The following CDH18 variants were observed in gnomAD, a reference collection of about 807,000 sequenced individuals.
The protein encoded by CDH18 is cadherin-18.
CDH18 carries 31 observed loss-of-function variants against 67.9 expected under a neutral mutation model. The ratio of observed to expected loss-of-function variants is 0.46; its 90% CI spans 0.34 to 0.62. CDH18 has a LOEUF of 0.62. Among genes scored for constraint, CDH18 ranks in the 20% least tolerant of loss-of-function variants. CDH18 has a pLI of 0.01. For synonymous variants in CDH18, 362 were observed against 347.2 expected (o/e 1.04, Z -0.48); for missense variants, 890 against 975.5 (o/e 0.91, Z 1.17).
chr5:19,722,868 A>T (rs1766292367), intron 4 of CDH18, among the ~76,000 whole-genome samples: 1 of 152,146 alleles, frequency 6.6e-6, no homozygotes, highest in South Asian at 2.1e-4. Flanking sequence ...AAGCACTGAC[A>T]ATTAATAGTT....
At chr5:20,386,586 A>C (rs1176814357) in intron 1 of CDH18, among the ~76,000 whole-genome samples, 1 of 152,166 alleles carries the variant, frequency 6.6e-6, no homozygotes, top group Non-Finnish European at 1.5e-5. Flanking sequence ...AACTTAAATA[A>C]TATGGCCAAG....
At chr5:19,776,984 G>C (rs976446832) in intron 3 of CDH18, among the ~76,000 whole-genome samples, 2 of 152,106 alleles carry the variant, frequency 1.3e-5, no homozygotes, top group Non-Finnish European at 2.9e-5. Context: ...TTTTATACAA[G>C]TGTTGAGAAA....
chr5:19,596,871 T>C (rs750389620), intron 6 of CDH18, among the ~76,000 whole-genome samples: 8 of 152,248 alleles, frequency 5.3e-5, no homozygotes, highest in Non-Finnish European at 8.8e-5. Context: ...TTGAGAATTA[T>C]AATTTGTAAA....
chr5:19,571,612 G>A lies in CDH18; in HGVS notation c.1220C>T (p.Ala407Val). 1 of 1,613,918 alleles carries A rather than the reference G, an allele frequency of 6.2e-7. No homozygotes were observed. The highest frequency in any genetic ancestry group is 8.5e-7 in the Non-Finnish European group (1 of 1,179,902). ...GCTGTTAGTACTGTCAGGATCTTGT[G>A]CCAAAACTGTACCAACGACGGTCCC... ...KIGTVVGTVLAQDPDSTNSLV... is the reference protein window; with the variant it reads ...KIGTVVGTVLVQDPDSTNSLV... The change falls in exon 8 of 13, where the codon GCA becomes GTA. Residue 407 changes from alanine (A) to valine (V), a missense_variant. Ala to Val is a moderately conservative substitution (Grantham distance 64). Coordinates refer to ENST00000382275, the MANE Select transcript of CDH18 (RefSeq NM_004934.5).
chr5:19,840,545 A>C (rs1782186412), intron 2 of CDH18, among the ~76,000 whole-genome samples: 1 of 151,824 alleles, frequency 6.6e-6, no homozygotes, highest in Non-Finnish European at 1.5e-5. Context: ...ACTACTAAAA[A>C]TACAAAACTA....
At chr5:20,395,232 C>CA (rs1168782956) in intron 1 of CDH18, among the ~76,000 whole-genome samples, 3 of 152,178 alleles carry the variant, frequency 2.0e-5, no homozygotes, top group Non-Finnish European at 4.4e-5. Context: ...AAATATGGCA[C>CA]ATATACACCA....
In CDH18 at chr5:19,704,735, A is replaced by G. The variant is rs374467693; in HGVS notation, c.643+16612T>C. On this transcript the variant is annotated intron_variant, in intron 5 of 12. Transcript: ENST00000382275. ...AGGCTTTAGAGGACTTAGTTACTGA[A>G]CAATTAGAAAAAGGTCACATAGCTC... Among the ~76,000 whole-genome samples, 5 of 152,318 alleles carry G rather than the reference A, an allele frequency of 3.3e-5. No individual in the cohort carries two copies. The South Asian group carries it at 1.0e-3, about 32-fold the overall frequency.
chr5:19,592,895 C>T (rs1007868776), intron 6 of CDH18, among the ~76,000 whole-genome samples: 2 of 151,884 alleles, frequency 1.3e-5, no homozygotes, highest in African/African-American at 4.8e-5. Flanking sequence ...TTTTAGATAC[C>T]TCATCTGCTT....
chr5:19,704,244 C>T (rs1282006078), intron 5 of CDH18, among the ~76,000 whole-genome samples: 1 of 152,144 alleles, frequency 6.6e-6, no homozygotes, highest in Admixed American at 6.6e-5. Context: ...TCAATCATTT[C>T]TCTTTAGCAC....
chr5:19,489,733 G>A (rs951490267), intron 11 of CDH18, among the ~76,000 whole-genome samples: 3 of 152,032 alleles, frequency 2.0e-5, no homozygotes, highest in Non-Finnish European at 4.4e-5. Flanking sequence ...CATTACATCT[G>A]TATATTCAAG....
At chr5:20,492,713 G>A (rs1157968821) in intron 1 of CDH18, among the ~76,000 whole-genome samples, 1 of 152,084 alleles carries the variant, frequency 6.6e-6, no homozygotes, top group Non-Finnish European at 1.5e-5. Flanking sequence ...TTACACAATT[G>A]ACACATACTC....
chr5:19,992,465 C>A (rs967157526), upstream of CDH18, among the ~76,000 whole-genome samples: 535 of 126,246 alleles, frequency 4.2e-3, 3 homozygotes, highest in African/African-American at 0.013. Flanking sequence ...AAAAAAAAAA[C>A]AACTGTGGGT....
At chr5:19,923,208 G>A (rs1174862715) in intron 2 of CDH18, among the ~76,000 whole-genome samples, 2 of 152,048 alleles carry the variant, frequency 1.3e-5, no homozygotes, top group Non-Finnish European at 2.9e-5. Context: ...AACTATCTCA[G>A]CCCCAAGCCT....
chr5:20,362,933 A>T (rs1301097190), intron 1 of CDH18, among the ~76,000 whole-genome samples: 1 of 152,162 alleles, frequency 6.6e-6, no homozygotes, highest in Non-Finnish European at 1.5e-5. Context: ...CTATTGAAAA[A>T]GTAGTTGTCA....
At chr5:20,515,034 A>G (rs953788649) in intron 1 of CDH18, among the ~76,000 whole-genome samples, 1 of 150,962 alleles carries the variant, frequency 6.6e-6, no homozygotes, top group Non-Finnish European at 1.5e-5. Flanking sequence ...CTAAGAATAT[A>G]TGAACATCAA....
chr5:20,018,425 G>A (rs187094021), intron 2 of CDH18, among the ~76,000 whole-genome samples: 87 of 152,250 alleles, frequency 5.7e-4, no homozygotes, highest in African/African-American at 1.9e-3. Context: ...GTCTAGTGTG[G>A]AGTAAACATG....
chr5:19,602,334 C>A (rs1274926529), intron 6 of CDH18, among the ~76,000 whole-genome samples: 2 of 151,616 alleles, frequency 1.3e-5, no homozygotes, highest in Admixed American at 1.3e-4. Context: ...GTTCTTAATA[C>A]CATAAAAATG....
chr5:19,727,333 C>A (rs776220246), intron 4 of CDH18, among the ~76,000 whole-genome samples: 1 of 151,996 alleles, frequency 6.6e-6, no homozygotes, highest in Non-Finnish European at 1.5e-5. Context: ...TGACTGGCAT[C>A]CTTATAAAAA....
At chr5:19,997,441 T>A (rs1736104575) in intron 2 of CDH18, among the ~76,000 whole-genome samples, 1 of 152,078 alleles carries the variant, frequency 6.6e-6, no homozygotes, top group Non-Finnish European at 1.5e-5. Context: ...TAAAATGGAA[T>A]ACAACATTTA....
Sources: allele counts gnomAD v4.1 joint callset (sites outside exome capture counted in the v4.1 genomes callset), GRCh38; gene constraint gnomAD v4.1.1; transcripts MANE v1.5; gene names NCBI Gene and HGNC (gene_info 2026-07-23, HGNC 2026-07-21).